The following BLTP3B variants were observed in gnomAD, a reference collection of about 807,000 sequenced individuals.
The protein encoded by BLTP3B is bridge-like lipid transfer protein family member 3B, also known as UHRF1 (ICBP90) binding protein 1-like.
chr12:100,133,315 T>C, the BLTP3B span, among the ~76,000 whole-genome samples: 2 of 152,180 alleles, frequency 1.3e-5, no homozygotes, highest in Non-Finnish European at 2.9e-5. Flanking sequence ...TAATCTTTTA[T>C]AGCAACATAA....
the BLTP3B span, chr12:100,059,470 G>A: frequency 6.2e-7 from 1 of 1,612,652 alleles, no homozygotes; most frequent in South Asian, 1.1e-5. Context: ...TCAGAACTCT[G>A]AATAGAAATT....
At chr12:100,102,912 T>C in the BLTP3B span, 1 of 1,039,972 alleles carries the variant, frequency 9.6e-7, no homozygotes, top group Non-Finnish European at 1.3e-6. Context: ...CGTATATTAT[T>C]AAAGTATTAT....
the BLTP3B span, among the ~76,000 whole-genome samples, chr12:100,094,589 G>A: frequency 6.6e-6 from 1 of 152,190 alleles, no homozygotes; most frequent in African/African-American, 2.4e-5. Context: ...GGGCATGGTG[G>A]CTCACACCTG....
chr12:100,096,613 G>A, the BLTP3B span, among the ~76,000 whole-genome samples: 1 of 151,724 alleles, frequency 6.6e-6, no homozygotes, highest in Non-Finnish European at 1.5e-5. Context: ...GAAGCCAGGA[G>A]TTCATGACCA....
chr12:100,124,622 G>A, the BLTP3B span, among the ~76,000 whole-genome samples: 5 of 151,892 alleles, frequency 3.3e-5, no homozygotes, highest in East Asian at 9.7e-4. Context: ...GCACGCGCCT[G>A]TAATCCCAGC....
the BLTP3B span, among the ~76,000 whole-genome samples, chr12:100,102,270 C>T: frequency 6.6e-6 from 1 of 152,032 alleles, no homozygotes; most frequent in East Asian, 1.9e-4. Context: ...GCGCCATGCC[C>T]AGCTAAAGTT....
chr12:100,111,570 C>T, the BLTP3B span, among the ~76,000 whole-genome samples: 7 of 151,934 alleles, frequency 4.6e-5, no homozygotes, highest in Non-Finnish European at 1.5e-5. Context: ...TGGGCACATG[C>T]CACCATGCTC....
chr12:100,099,007 T>C, the BLTP3B span, among the ~76,000 whole-genome samples: 1 of 151,942 alleles, frequency 6.6e-6, no homozygotes, highest in Admixed American at 6.6e-5. Flanking sequence ...TTATTTTTTT[T>C]TTCCCTAAGA....
the BLTP3B span, among the ~76,000 whole-genome samples, chr12:100,133,907 C>T: frequency 1.3e-5 from 2 of 152,264 alleles, no homozygotes; most frequent in East Asian, 3.9e-4. Context: ...ACTTTTATTA[C>T]AATATACAGA....
the BLTP3B span, chr12:100,037,081 C>T: frequency 3.4e-6 from 3 of 875,926 alleles, no homozygotes; most frequent in Non-Finnish European, 2.7e-6. Context: ...ATTTTCCAAA[C>T]CCATTAATTA....
At chr12:100,097,335 T>C in the BLTP3B span, 13 of 1,595,072 alleles carry the variant, frequency 8.2e-6, no homozygotes, top group Non-Finnish European at 1.0e-5. Flanking sequence ...AGTTAACACA[T>C]GAATCAAAAA....
At chr12:100,069,325 G>T in the BLTP3B span, among the ~76,000 whole-genome samples, 1 of 152,080 alleles carries the variant, frequency 6.6e-6, no homozygotes, top group African/African-American at 2.4e-5. Flanking sequence ...TTGCACACAC[G>T]TTTATAGCAG....
At chr12:100,130,987 GAGAGAGA>G in the BLTP3B span, among the ~76,000 whole-genome samples, 8 of 76,336 alleles carry the variant, frequency 1.0e-4, no homozygotes, top group South Asian at 3.0e-3. Context: ...GGGAGGGAGA[GAGAGAGA>G]GAGAGAGAGA....
chr12:100,084,674 C>T, the BLTP3B span: 1 of 1,604,258 alleles, frequency 6.2e-7, no homozygotes, highest in Non-Finnish European at 8.5e-7. Flanking sequence ...AAATGAACAA[C>T]AGGTATTTCA....
the BLTP3B span, among the ~76,000 whole-genome samples, chr12:100,137,483 A>C: frequency 2.0e-5 from 3 of 152,186 alleles, no homozygotes; most frequent in East Asian, 3.9e-4. Flanking sequence ...GAGACTGGCT[A>C]ATTTTTGTAT....
chr12:100,051,208 GTTC>G, the BLTP3B span: 3 of 1,610,040 alleles, frequency 1.9e-6, no homozygotes, highest in South Asian at 1.1e-5. Flanking sequence ...TTGTAGTTGA[GTTC>G]TTTTTATTTC....
the BLTP3B span, chr12:100,142,769 G>A: frequency 7.4e-7 from 1 of 1,359,886 alleles, no homozygotes; most frequent in African/African-American, 1.5e-5. Flanking sequence ...AGAGACCCAA[G>A]GCCCCGGCCA....
the BLTP3B span, among the ~76,000 whole-genome samples, chr12:100,090,659 T>C: frequency 3.9e-5 from 6 of 152,172 alleles, no homozygotes; most frequent in Non-Finnish European, 8.8e-5. Flanking sequence ...ATGAAAATGA[T>C]TGCAGCCCAA....
chr12:100,061,291 A>C, the BLTP3B span, among the ~76,000 whole-genome samples: 1 of 152,184 alleles, frequency 6.6e-6, no homozygotes, highest in Non-Finnish European at 1.5e-5. Flanking sequence ...GCTGCCCAAG[A>C]CTAGAGCACA....
Sources: gnomAD v4.1 joint callset for allele counts (sites outside exome capture counted in the v4.1 genomes callset) on GRCh38, gnomAD v4.1.1 for gene constraint, MANE v1.5 for transcripts, NCBI Gene and HGNC (gene_info 2026-07-23, HGNC 2026-07-21) for gene names.